SLC24A2: variants seen among roughly 807,000 people sequenced by gnomAD.
SLC24A2 encodes sodium/potassium/calcium exchanger 2.
A neutral mutation model predicts 62.0 loss-of-function variants in SLC24A2; 36 were observed. That is an observed-to-expected ratio of 0.58 (90% CI 0.44 to 0.77). The LOEUF is 0.77. Among genes scored for constraint, SLC24A2 ranks in the 30% least tolerant of loss-of-function variants. The pLI, the probability that SLC24A2 is intolerant of heterozygous loss-of-function variation, is 0.00. For synonymous variants in SLC24A2, 358 were observed against 294.0 expected (o/e 1.22, Z -2.23); for missense variants, 846 against 817.9 (o/e 1.03, Z -0.42).
chr9:19,900,756 G>T, the SLC24A2 span, among the ~76,000 whole-genome samples: 1 of 152,104 alleles, frequency 6.6e-6, no homozygotes, highest in East Asian at 1.9e-4. Context: ...ATTGTTTAGG[G>T]CTTGTCTGGT....
At chr9:19,617,581 C>T (rs1261653303) in intron 4 of SLC24A2, among the ~76,000 whole-genome samples, 1 of 152,180 alleles carries the variant, frequency 6.6e-6, no homozygotes, top group South Asian at 2.1e-4. Context: ...TTTCTCCTTG[C>T]TTCCCAAAGG....
chr9:19,658,992 T>A (rs991771650), intron 2 of SLC24A2, among the ~76,000 whole-genome samples: 1 of 152,168 alleles, frequency 6.6e-6, no homozygotes, highest in East Asian at 1.9e-4. Context: ...ACAAGTTGAA[T>A]TGTGTCCTCT....
At chr9:19,920,388 T>C in the SLC24A2 span, among the ~76,000 whole-genome samples, 1 of 152,160 alleles carries the variant, frequency 6.6e-6, no homozygotes, top group African/African-American at 2.4e-5. Context: ...TTTCAAACTA[T>C]TAAATACAAA....
At chr9:19,707,505 A>G (rs1193827891) in intron 2 of SLC24A2, among the ~76,000 whole-genome samples, 1 of 152,260 alleles carries the variant, frequency 6.6e-6, no homozygotes, top group Non-Finnish European at 1.5e-5. Flanking sequence ...AAAATCCTCA[A>G]TAAAATACTG....
intron 2 of SLC24A2, among the ~76,000 whole-genome samples, chr9:19,679,428 C>T (rs983579439): frequency 2.6e-5 from 4 of 152,040 alleles, no homozygotes; most frequent in African/African-American, 9.7e-5. Flanking sequence ...CATAATAAAT[C>T]ATGATGGTTA....
intron 2 of SLC24A2, among the ~76,000 whole-genome samples, chr9:19,657,143 C>A (rs980804583): frequency 1.4e-4 from 22 of 152,122 alleles, no homozygotes; most frequent in African/African-American, 5.1e-4. Flanking sequence ...AAGAAGAGTC[C>A]GTTTACATTC....
At chr9:19,921,125 G>C in the SLC24A2 span, among the ~76,000 whole-genome samples, 1 of 151,446 alleles carries the variant, frequency 6.6e-6, no homozygotes, top group East Asian at 1.9e-4. Context: ...CACCAACAGT[G>C]CACCTGTAGT....
chr9:19,605,635 A>G (rs779479257), intron 4 of SLC24A2, among the ~76,000 whole-genome samples: 65 of 152,348 alleles, frequency 4.3e-4, no homozygotes, highest in Non-Finnish European at 8.7e-4. Context: ...TCAAGGTCTT[A>G]TGATTGAACC....
chr9:19,679,975 G>C (rs1272264562), intron 2 of SLC24A2, among the ~76,000 whole-genome samples: 1 of 151,756 alleles, frequency 6.6e-6, no homozygotes, highest in African/African-American at 2.4e-5. Context: ...CCACAGAAAG[G>C]AACCTTAACT....
At chr9:20,092,487 A>G in the SLC24A2 span, among the ~76,000 whole-genome samples, 1 of 152,120 alleles carries the variant, frequency 6.6e-6, no homozygotes, top group African/African-American at 2.4e-5. Context: ...CATTAGTGTT[A>G]GTGTATTAGT....
chr9:20,097,347 G>C, the SLC24A2 span, among the ~76,000 whole-genome samples: 1 of 152,132 alleles, frequency 6.6e-6, no homozygotes, highest in African/African-American at 2.4e-5. Flanking sequence ...TTATATTATA[G>C]TCAGCAAAGA....
the SLC24A2 span, among the ~76,000 whole-genome samples, chr9:19,973,851 C>T: frequency 1.3e-4 from 19 of 151,986 alleles, no homozygotes; most frequent in Admixed American, 5.2e-4. Context: ...TTTTGAAGTA[C>T]GGGATAAAAC....
chr9:20,245,737 A>G, the SLC24A2 span, among the ~76,000 whole-genome samples: 11 of 152,244 alleles, frequency 7.2e-5, no homozygotes, highest in Admixed American at 5.2e-4. Flanking sequence ...GAGAAAAAGT[A>G]GATGGTAAAC....
chr9:19,659,415 T>C (rs912803117), intron 2 of SLC24A2, among the ~76,000 whole-genome samples: 1 of 152,190 alleles, frequency 6.6e-6, no homozygotes, highest in African/African-American at 2.4e-5. Flanking sequence ...GAGGAACAAA[T>C]ACATTTACTT....
chr9:20,028,907 C>A, the SLC24A2 span, among the ~76,000 whole-genome samples: 2 of 152,144 alleles, frequency 1.3e-5, no homozygotes, highest in African/African-American at 4.8e-5. Context: ...TAAAATACAC[C>A]GTGTTTAGTC....
the SLC24A2 span, among the ~76,000 whole-genome samples, chr9:19,937,105 T>C: frequency 1.3e-5 from 2 of 152,208 alleles, no homozygotes; most frequent in Non-Finnish European, 2.9e-5. Flanking sequence ...CATACCGCAT[T>C]GATTCACACA....
the SLC24A2 span, among the ~76,000 whole-genome samples, chr9:20,167,479 A>C: frequency 5.7e-4 from 86 of 152,094 alleles, no homozygotes; most frequent in African/African-American, 1.9e-3. Flanking sequence ...GTGATTTTGC[A>C]AATAGATAGA....
At chr9:19,598,683 A>G (rs1342596495) in intron 4 of SLC24A2, among the ~76,000 whole-genome samples, 1 of 152,044 alleles carries the variant, frequency 6.6e-6, no homozygotes, top group Non-Finnish European at 1.5e-5. Flanking sequence ...GTGTATATAT[A>G]TGTATATATA....
At chr9:19,530,078 CTTTTTT>C (rs11365952) in intron 8 of SLC24A2, among the ~76,000 whole-genome samples, 1 of 124,932 alleles carries the variant, frequency 8.0e-6, no homozygotes, top group African/African-American at 3.1e-5. Context: ...ATAAAAGCAG[CTTTTTT>C]TTTTTTTTTT....
Sources: gnomAD v4.1 joint callset for allele counts (sites outside exome capture counted in the v4.1 genomes callset) on GRCh38, gnomAD v4.1.1 for gene constraint, MANE v1.5 for transcripts, NCBI Gene and HGNC (gene_info 2026-07-23, HGNC 2026-07-21) for gene names.